TXNIP: variants seen among roughly 807,000 people sequenced by gnomAD.
The protein encoded by TXNIP is thioredoxin-interacting protein.
TXNIP carries 23 observed loss-of-function variants against 43.9 expected under a neutral mutation model. That is an observed-to-expected ratio of 0.52 (90% CI 0.38 to 0.74). TXNIP has a LOEUF of 0.74. Among genes scored for constraint, TXNIP ranks in the 30% least tolerant of loss-of-function variants. The pLI is 0.00. For synonymous variants in TXNIP, 234 were observed against 172.2 expected, an observed-to-expected ratio of 1.36 and a Z score of -2.81; for missense variants, 555 against 485.4, an observed-to-expected ratio of 1.14 and a Z score of -1.35.
At chr1:145,995,500 G>T in intron 1 of TXNIP, 24 bp from the exon 2 acceptor site, 1 of 1,610,842 alleles carries the variant, frequency 6.2e-7, no homozygotes, top group South Asian at 1.1e-5. Context: ...AAATCGAGTA[G>T]CCATTAGGCT....
intron 1 of TXNIP, 91 bp from the exon 2 acceptor site, chr1:145,995,567 G>T (rs782551512): frequency 8.9e-7 from 1 of 1,129,618 alleles, no homozygotes; most frequent in Non-Finnish European, 1.3e-6. Context: ...GGCATGCAAG[G>T]TATTGAAGTA....
rs782785376 is a variant in TXNIP at position 145,994,634 on chromosome 1, G to C, written c.741C>G (p.Cys247Trp). ...VRGNHIISGT[C>W]ASWRGKSLRV... ...GAAGGCTCTTGCCACGCCATGATGC[G>C]CATGTCCCTGAGATAATATGATTGC... Residue 247 changes from cysteine to tryptophan, a missense_variant, in exon 5 of 8, where the codon TGC becomes TGG. Coordinates refer to ENST00000582401, the MANE Select transcript of TXNIP (RefSeq NM_006472.6). 1.2e-6 allele frequency: 2 copies of C among 1,614,008 alleles called. No individual in the cohort carries two copies. The highest frequency in any genetic ancestry group is 1.7e-5 in the Admixed American group (1 of 59,984).
Position 145,995,398 on chromosome 1 carries a change from AT to A in TXNIP, c.323+5del, listed in dbSNP as rs782156680. Reference sequence around the variant, plus strand: ...AAGTTCAAAGATGCATTTAGCTGATATTTACCCCTGAGGAAGCTCAAAGCCG... The same window carrying A: ...AAGTTCAAAGATGCATTTAGCTGATATTACCCCTGAGGAAGCTCAAAGCCG... On this transcript the variant is annotated splice_donor_5th_base_variant and intron_variant, in intron 2 of 7. Coordinates refer to ENST00000582401, the MANE Select transcript of TXNIP (RefSeq NM_006472.6). The A allele has an allele frequency of 1.2e-6, 2 of 1,613,406 alleles. No homozygotes were observed. Among genetic ancestry groups the A allele is most frequent in the Non-Finnish European group, 1.7e-6 (2 of 1,179,470 alleles).
At position 145,994,610 on chromosome 1, in the gene TXNIP, A is replaced by C. The variant is rs782547228; in HGVS notation, c.765T>G (p.Leu255=). The C allele has an allele frequency of 6.8e-6, 11 of 1,614,102 alleles. No homozygotes were observed. In the African/African-American group the frequency reaches 1.3e-4, roughly 20 times the overall value. Residue 255 remains leucine, a synonymous_variant, in exon 5 of 8, where the codon CTT becomes CTG. Coordinates refer to ENST00000582401, the MANE Select transcript of TXNIP (RefSeq NM_006472.6). ...GTCASWRGKS[L]RVQKIRPSIL... Reference sequence around the variant, plus strand: ...TAGAAGGCCTGATCTTCTGAACCCGAAGGCTCTTGCCACGCCATGATGCGC... The same window carrying C: ...TAGAAGGCCTGATCTTCTGAACCCGCAGGCTCTTGCCACGCCATGATGCGC...
Position 145,994,172 on chromosome 1 carries a change from A to T in TXNIP, c.989-5T>A. ...CATCCATATAGCAGGGAGGAGCTAGAAAAGAAAATATGGCCACATAAGAAT... is the reference window on the plus strand; with the variant it reads ...CATCCATATAGCAGGGAGGAGCTAGTAAAGAAAATATGGCCACATAAGAAT... On this transcript the variant is annotated splice_polypyrimidine_tract_variant and splice_region_variant and intron_variant, in intron 6 of 7. Transcript: ENST00000582401. 6.2e-7 allele frequency: 1 copy of T among 1,614,036 alleles called. No homozygotes were observed.
chr1:145,995,052 A>T (rs781974498), intron 3 of TXNIP, 21 bp from the exon 4 acceptor site: 1 of 1,613,728 alleles, frequency 6.2e-7, no homozygotes, highest in Admixed American at 1.7e-5. Context: ...GGGGATAAAA[A>T]GGTGTTTTGA....
Position 145,993,709 on chromosome 1 carries a change from C to T in TXNIP, c.*142G>A. 2 of 916,376 alleles carry T rather than the reference C, an allele frequency of 2.2e-6. No homozygotes were observed. Among genetic ancestry groups the T allele is most frequent in the African/African-American group, 3.3e-5 (2 of 59,944 alleles). The allele number at this position is 916,376 out of a possible 1,614,324, so 56.8% of individuals were successfully genotyped here. On this transcript the variant is annotated 3_prime_UTR_variant, in exon 8 of 8. Coordinates refer to ENST00000582401, the MANE Select transcript of TXNIP (RefSeq NM_006472.6). ...TAAGGCCCAGGAGATTGCCTGCTGA[C>T]CACCTCCTACATTAGGAAGTCAGAG...
At chr1:145,995,601 T>A in intron 1 of TXNIP, 125 bp from the exon 2 acceptor site, 1 of 861,520 alleles carries the variant, frequency 1.2e-6, no homozygotes, top group Non-Finnish European at 1.9e-6. Flanking sequence ...CCCATATATA[T>A]ATTTTTTAAT....
rs1651323064 is a variant in TXNIP at position 145,994,039 on chromosome 1, T to C, written c.1117A>G (p.Met373Val). 3 of 1,614,170 alleles carry C rather than the reference T, an allele frequency of 1.9e-6. No individual in the cohort carries two copies. Among genetic ancestry groups the C allele is most frequent in the Middle Eastern group, 1.6e-4 (1 of 6,062 alleles). Residue 373 changes from methionine to valine, a missense_variant, in exon 7 of 8, where the codon ATG becomes GTG. Met to Val is a conservative substitution (Grantham distance 21). Coordinates refer to ENST00000582401, the MANE Select transcript of TXNIP (RefSeq NM_006472.6). ...ACCTCAGTATAAGTCGGTGGTGGCA[T>C]GAACTTGAACTCAGGGGCATACATA... ...IFMYAPEFKF[M>V]PPPTYTEVDP...
rs1553766293 is a variant in TXNIP at position 145,995,240 on chromosome 1, C to T, written c.375G>A (p.Val125=). The T allele has an allele frequency of 6.2e-7, 1 of 1,614,130 alleles. No homozygotes were observed. Among genetic ancestry groups the T allele is most frequent in the Admixed American group, 1.7e-5 (1 of 60,018 alleles). The change falls in exon 3 of 8, where the codon GTG becomes GTA. Residue 125 remains valine (V), a synonymous_variant. Transcript: ENST00000582401. ...KGKYGCVDYW[V]KAFLDRPSQP... is the part of the protein sequence containing the mutation. ...GGCTCGGGCGGTCAAGAAAAGCCTT[C>T]ACCCAGTAGTCTACACACCCATATT...
In TXNIP at chr1:145,995,463, C is replaced by CAT; in HGVS notation, c.262_263dup (p.Met88IlefsTer3). ...ATTTGTTTCCAGGTCTCATGATCAC[C>CAT]ATCTCATTCTCACCTGAAGGGAAAG... On this transcript the variant is annotated frameshift_variant, in exon 2 of 8. Coordinates refer to ENST00000582401, the MANE Select transcript of TXNIP (RefSeq NM_006472.6). LOFTEE classifies it high-confidence loss of function. 6.2e-7 allele frequency: 1 copy of CAT among 1,614,146 alleles called. No homozygotes were observed. The highest frequency in any genetic ancestry group is 8.5e-7 in the Non-Finnish European group (1 of 1,180,008).
At chr1:145,995,852 G>T (rs17221730) in intron 1 of TXNIP, 165 bp downstream of exon 1, 209 of 862,828 alleles carry the variant, frequency 2.4e-4, no homozygotes, top group Non-Finnish European at 2.7e-4. Context: ...CTTTTTTTTG[G>T]GGGGGGAGGA....
In TXNIP at chr1:145,993,139, G is replaced by A. The variant is rs587680878; in HGVS notation, c.*712C>T. 6 of 152,774 alleles carry A rather than the reference G, an allele frequency of 3.9e-5. No homozygotes were observed. Among genetic ancestry groups the A allele is most frequent in the African/African-American group, 1.2e-4 (5 of 41,544 alleles). The allele number at this position is 152,774 out of a possible 1,614,324, so 9.5% of individuals were successfully genotyped here. ...CCATATGAAAATATTTGCAGTAGGA[G>A]AACACAGTGCAATAGGCTCCAAAAA... On this transcript the variant is annotated 3_prime_UTR_variant, in exon 8 of 8. Transcript: ENST00000582401.
At chr1:145,995,514 T>C in intron 1 of TXNIP, 38 bp from the exon 2 acceptor site, 1 of 1,591,656 alleles carries the variant, frequency 6.3e-7, no homozygotes, top group Non-Finnish European at 8.6e-7. Context: ...TTAGGCTTGC[T>C]GTTACACTTA....
chr1:145,996,501 A>C lies in TXNIP; in HGVS notation c.-235T>G. 2.4e-6 allele frequency: 1 copy of C among 418,902 alleles called. No individual in the cohort carries two copies. 25.9% of individuals were successfully genotyped at this position (418,902 alleles called of 1,614,324 possible). A position where few individuals can be genotyped will look rare whatever the true frequency, so the allele number is the denominator to read the frequency against. Reference sequence around the variant, plus strand: ...GTTACACTAAGCTAATTCAGAGAAAAAGCCTTCTTTCCCCCAATTGCTGGA... The same window carrying C: ...GTTACACTAAGCTAATTCAGAGAAACAGCCTTCTTTCCCCCAATTGCTGGA... On this transcript the variant is annotated 5_prime_UTR_variant, in exon 1 of 8. Coordinates refer to ENST00000582401, the MANE Select transcript of TXNIP (RefSeq NM_006472.6).
In TXNIP at chr1:145,996,360, C is replaced by G. The variant is rs782330791; in HGVS notation, c.-94G>C. ...AACCCCTTTGCAAAAAATTATTTCA[C>G]TTTAAGGAATTAAGGTATTCTTAAG... is the stretch of plus-strand genomic sequence containing the variant. On this transcript the variant is annotated 5_prime_UTR_variant, in exon 1 of 8. Coordinates refer to ENST00000582401, the MANE Select transcript of TXNIP (RefSeq NM_006472.6). 7 of 1,416,010 alleles carry G rather than the reference C, an allele frequency of 4.9e-6. No individual in the cohort carries two copies. The highest frequency in any genetic ancestry group is 5.8e-6 in the Non-Finnish European group (6 of 1,038,208). 87.7% of individuals were successfully genotyped at this position (1,416,010 alleles called of 1,614,324 possible).
At chr1:145,994,823 CT>C (rs1559266336) in intron 4 of TXNIP, 23 bp from the exon 5 acceptor site, 1 of 1,614,110 alleles carries the variant, frequency 6.2e-7, no homozygotes, top group Admixed American at 1.7e-5. Flanking sequence ...AAGATGAAAA[CT>C]TACTGATACT....
At chr1:145,993,933 A>G (rs1651313640) in intron 7 of TXNIP, 47 bp from the exon 8 acceptor site, 1 of 1,614,002 alleles carries the variant, frequency 6.2e-7, no homozygotes. Flanking sequence ...AACAAAAAGA[A>G]CAAACCAGTT....
rs1050049874 is a variant in TXNIP, at chr1:145,996,466, T to G, written c.-200A>C. On this transcript the variant is annotated 5_prime_UTR_variant, in exon 1 of 8. Coordinates refer to ENST00000582401, the MANE Select transcript of TXNIP (RefSeq NM_006472.6). Reference sequence around the variant, plus strand: ...TTTTCGAAAAGGCGCCTAAAAAATATACGCCGCTGGTTACACTAAGCTAAT... The same window carrying G: ...TTTTCGAAAAGGCGCCTAAAAAATAGACGCCGCTGGTTACACTAAGCTAAT... The G allele has an allele frequency of 9.7e-5, 53 of 547,536 alleles. 1 individual carries two copies. Among genetic ancestry groups the G allele is most frequent in the Admixed American group, 3.7e-4 (10 of 26,996 alleles). 33.9% of individuals were successfully genotyped at this position (547,536 alleles called of 1,614,324 possible).
Sources: allele counts gnomAD v4.1 joint callset, GRCh38; gene constraint gnomAD v4.1.1; transcripts MANE v1.5; gene names NCBI Gene and HGNC (gene_info 2026-07-23, HGNC 2026-07-21).